LDLRAD4: variants seen among roughly 807,000 people sequenced by gnomAD.
LDLRAD4 encodes the protein low-density lipoprotein receptor class A domain-containing protein 4.
LDLRAD4 carries 5 observed loss-of-function variants against 17.0 expected under a neutral mutation model. The ratio of observed to expected loss-of-function variants is 0.29; its 90% confidence interval spans 0.15 to 0.62. The LOEUF (loss-of-function observed/expected upper bound fraction) is 0.62. Among genes scored for constraint, LDLRAD4 ranks in the 20% least tolerant of loss-of-function variants. LDLRAD4 has a pLI of 0.84. For missense variants in LDLRAD4, 340 were observed against 424.7 expected (o/e 0.80, Z 1.75); for synonymous variants, 168 against 171.8 (o/e 0.98, Z 0.17).
intron 1 of LDLRAD4, among the ~76,000 whole-genome samples, chr18:13,258,800 C>G (rs2043644896): frequency 6.6e-6 from 1 of 152,180 alleles, no homozygotes; most frequent in Non-Finnish European, 1.5e-5. Context: ...CTTTCTTTAG[C>G]TAGATTACCA....
chr18:13,463,929 T>C (rs1356924934), intron 3 of LDLRAD4, among the ~76,000 whole-genome samples: 1 of 152,256 alleles, frequency 6.6e-6, no homozygotes, highest in African/African-American at 2.4e-5. Context: ...CTGCCTCTTA[T>C]ATGTGGAGAA....
At chr18:13,493,423 A>G (rs2093398971) in intron 3 of LDLRAD4, among the ~76,000 whole-genome samples, 1 of 152,170 alleles carries the variant, frequency 6.6e-6, no homozygotes, top group Non-Finnish European at 1.5e-5. Flanking sequence ...GAGAAAATTT[A>G]CCTTCAAAAA....
intron 1 of LDLRAD4, among the ~76,000 whole-genome samples, chr18:13,259,795 G>T (rs1036383318): frequency 1.3e-5 from 2 of 150,064 alleles, no homozygotes; most frequent in Admixed American, 1.3e-4. Flanking sequence ...GAGAAAGGAA[G>T]TGTTCCCATC....
At chr18:13,473,785 G>T (rs1422935926) in intron 3 of LDLRAD4, among the ~76,000 whole-genome samples, 1 of 150,868 alleles carries the variant, frequency 6.6e-6, no homozygotes, top group Non-Finnish European at 1.5e-5. Flanking sequence ...GCAACCTCAG[G>T]CCCCAAAGTG....
Position 13,300,334 on chromosome 18 carries a change from G to A in LDLRAD4, c.-383+22146G>A, listed in dbSNP as rs1243473476. ...CTCAGCCACAAGGCCACCTCACCAGGCAGAACAGATGGCAGTGGTGAGGGC... is the reference window on the plus strand; with the variant it reads ...CTCAGCCACAAGGCCACCTCACCAGACAGAACAGATGGCAGTGGTGAGGGC... On this transcript the variant is annotated intron_variant, in intron 1 of 5. Transcript: ENST00000359446. The surrounding 1 kb of genome is among the most constrained non-coding windows in gnomAD (Gnocchi z 4.2). Among the ~76,000 whole-genome samples the A allele has an allele frequency of 6.6e-6, 1 of 152,190 alleles. No individual in the cohort carries two copies. Among genetic ancestry groups the A allele is most frequent in the African/African-American group, 2.4e-5 (1 of 41,460 alleles).
Position 13,645,228 on chromosome 18 carries a change from C to A in LDLRAD4, c.492C>A (p.His164Gln), listed in dbSNP as rs771512980. The change falls in exon 6 of 6, where the codon CAC (histidine) becomes CAA (glutamine). Residue 164 changes from histidine to glutamine, a missense_variant. By Grantham distance (24) the His-to-Gln change is conservative. Coordinates refer to ENST00000359446, the Ensembl canonical transcript of LDLRAD4. The surrounding 1 kb of genome is among the most constrained non-coding windows in gnomAD (Gnocchi z 5.7). ...AGCCCACCTACCCCTATGTGCAGCA[C>A]GAGATTGATCTTCCTCCCACCATCT... 1 of 1,614,104 alleles carries A rather than the reference C, an allele frequency of 6.2e-7. No homozygotes were observed. Among genetic ancestry groups the A allele is most frequent in the South Asian group, 1.1e-5 (1 of 91,076 alleles).
intron 1 of LDLRAD4, chr18:13,240,499 G>A (rs1004957335): frequency 1.3e-5 from 2 of 152,274 alleles, no homozygotes; most frequent in Non-Finnish European, 2.9e-5. Flanking sequence ...CCAAGACAGC[G>A]TCAGCACCTG....
chr18:13,637,974 CT>C (rs33935923), intron 4 of LDLRAD4, among the ~76,000 whole-genome samples: 98,536 of 151,912 alleles, frequency 0.65, 32,263 homozygotes, highest in East Asian at 0.92. Context: ...GAAGAGCTAC[CT>C]GTTTGCTGAA....
At chr18:13,426,529 GCCT>G (rs77795109) in intron 2 of LDLRAD4, among the ~76,000 whole-genome samples, 52,636 of 151,884 alleles carry the variant, frequency 0.35, 10,943 homozygotes, top group South Asian at 0.46. Flanking sequence ...CTGGAGCTCA[GCCT>G]CCTGCTGAGA....
At chr18:13,226,586 G>C (rs900551493) in intron 1 of LDLRAD4, among the ~76,000 whole-genome samples, 2 of 151,976 alleles carry the variant, frequency 1.3e-5, no homozygotes, top group Non-Finnish European at 2.9e-5. Flanking sequence ...ATCTGACTTT[G>C]TGTCATCTGG....
rs569606749 is a variant in LDLRAD4, at chr18:13,566,551, C to T, written c.182-54566C>T. 1.2e-4 allele frequency among the ~76,000 whole-genome samples: 18 copies of T among 152,114 alleles called. No homozygotes were observed. In the South Asian group the frequency reaches 1.5e-3, roughly 12 times the overall value. ...CTGATCTTTGTATTTTTAGTAGAGACGGGGTTTCACCATGTTGGCCAAGAT... is the reference window on the plus strand; with the variant it reads ...CTGATCTTTGTATTTTTAGTAGAGATGGGGTTTCACCATGTTGGCCAAGAT... On this transcript the variant is annotated intron_variant, in intron 3 of 5. Coordinates refer to ENST00000359446, the Ensembl canonical transcript of LDLRAD4.
chr18:13,435,106 A>G (rs1292670154), intron 2 of LDLRAD4, among the ~76,000 whole-genome samples: 1 of 152,232 alleles, frequency 6.6e-6, no homozygotes, highest in Non-Finnish European at 1.5e-5. Flanking sequence ...TGATTAGAGG[A>G]CCTGAATGCA....
chr18:13,554,828 T>C (rs576063986), intron 3 of LDLRAD4, among the ~76,000 whole-genome samples: 1 of 152,248 alleles, frequency 6.6e-6, no homozygotes, highest in African/African-American at 2.4e-5. Flanking sequence ...GCTCCTGACA[T>C]GCGGACTGTG....
At chr18:13,633,897 C>T (rs928001739) in intron 4 of LDLRAD4, among the ~76,000 whole-genome samples, 1 of 152,198 alleles carries the variant, frequency 6.6e-6, no homozygotes. Context: ...TGGCTCTCAC[C>T]GGCTCCGTGG....
chr18:13,448,086 G>A (rs62085726), intron 3 of LDLRAD4, among the ~76,000 whole-genome samples: 36 of 152,300 alleles, frequency 2.4e-4, no homozygotes, highest in Admixed American at 5.2e-4. Flanking sequence ...TAGGGAGAGC[G>A]TGAAAGGACA....
At chr18:13,640,179 T>G (rs183027828) in intron 4 of LDLRAD4, among the ~76,000 whole-genome samples, 1,962 of 150,930 alleles carry the variant, frequency 0.013, 36 homozygotes, top group African/African-American at 0.046. Flanking sequence ...TGTAGTCCCA[T>G]CTACTCGGTA....
At chr18:13,377,384 A>C (rs1334968363) in intron 1 of LDLRAD4, among the ~76,000 whole-genome samples, 1 of 152,162 alleles carries the variant, frequency 6.6e-6, no homozygotes, top group Non-Finnish European at 1.5e-5. Context: ...TTGAATTGCA[A>C]GTCATTCTTG....
At chr18:13,350,756 G>C (rs2082991379) in intron 1 of LDLRAD4, among the ~76,000 whole-genome samples, 1 of 152,134 alleles carries the variant, frequency 6.6e-6, no homozygotes, top group Admixed American at 6.5e-5. Context: ...GGGTTTTAAT[G>C]GCTTGAGGTT....
At chr18:13,528,168 T>C (rs1251186490) in intron 3 of LDLRAD4, among the ~76,000 whole-genome samples, 1 of 152,204 alleles carries the variant, frequency 6.6e-6, no homozygotes, top group Non-Finnish European at 1.5e-5. Flanking sequence ...GTGGGGGCTC[T>C]TCCCCACCTG....
Sources: allele counts gnomAD v4.1 joint callset (sites outside exome capture counted in the v4.1 genomes callset), GRCh38; gene constraint gnomAD v4.1.1; non-coding constraint Gnocchi (gnomAD v3.1); transcripts MANE v1.5; gene names NCBI Gene and HGNC (gene_info 2026-07-23, HGNC 2026-07-21).